CSMD1: variants seen among roughly 807,000 people sequenced by gnomAD.
CSMD1 encodes the protein CUB and Sushi multiple domains 1.
A neutral mutation model predicts 417.5 loss-of-function variants in CSMD1; 213 were observed. The observed-to-expected ratio is 0.51, with a 90% confidence interval of 0.46 to 0.57. CSMD1 has a LOEUF of 0.57. Ranked by LOEUF, CSMD1 falls within the 20% of genes least tolerant of loss-of-function variation. CSMD1 has a pLI of 0.00. For missense variants in CSMD1, 6,923 were observed against 4,529.7 expected, an observed-to-expected ratio of 1.53 and a Z score of -15.17; for synonymous variants, 2,862 against 1,736.8, an observed-to-expected ratio of 1.65 and a Z score of -16.11.
intron 3 of CSMD1, among the ~76,000 whole-genome samples, chr8:4,414,237 T>G (rs1338920766): frequency 2.0e-5 from 3 of 152,132 alleles, no homozygotes; most frequent in African/African-American, 4.8e-5. Flanking sequence ...TTGAGGGATG[T>G]GTCAGAGGGA....
intron 1 of CSMD1, among the ~76,000 whole-genome samples, chr8:4,745,623 TAGAG>T (rs1230454624): frequency 6.6e-6 from 1 of 151,968 alleles, no homozygotes; most frequent in Non-Finnish European, 1.5e-5. Context: ...AAGTAGAATG[TAGAG>T]AGAGAGTAGA....
intron 1 of CSMD1, among the ~76,000 whole-genome samples, chr8:4,868,681 A>AAC (rs1301469100): frequency 6.6e-6 from 1 of 152,104 alleles, no homozygotes; most frequent in African/African-American, 2.4e-5. Context: ...AAACACAACT[A>AAC]ACAGTATGGT....
At chr8:3,724,803 A>G (rs1802392341) in intron 6 of CSMD1, among the ~76,000 whole-genome samples, 1 of 152,258 alleles carries the variant, frequency 6.6e-6, no homozygotes, top group Non-Finnish European at 1.5e-5. Context: ...CTTTGCCATC[A>G]GCAGAAACTG....
chr8:4,103,851 G>C (rs1323882331), intron 3 of CSMD1, among the ~76,000 whole-genome samples: 2 of 152,178 alleles, frequency 1.3e-5, no homozygotes, highest in Non-Finnish European at 2.9e-5. Flanking sequence ...CTCCCTGGCA[G>C]CATTGTCTGG....
chr8:3,136,395 G>A (rs1395297702), intron 41 of CSMD1, among the ~76,000 whole-genome samples: 3 of 151,838 alleles, frequency 2.0e-5, no homozygotes, highest in African/African-American at 7.3e-5. Context: ...CTCCTGAGAA[G>A]TTGGGATCAC....
At chr8:4,103,426 TTGTC>T (rs1300732875) in intron 3 of CSMD1, among the ~76,000 whole-genome samples, 1 of 151,274 alleles carries the variant, frequency 6.6e-6, no homozygotes, top group Non-Finnish European at 1.5e-5. Context: ...CTTGGCTTTT[TTGTC>T]TGTTAAAAAA....
At chr8:3,429,511 G>C (rs1814076459) in intron 12 of CSMD1, among the ~76,000 whole-genome samples, 1 of 152,084 alleles carries the variant, frequency 6.6e-6, no homozygotes, top group South Asian at 2.1e-4. Flanking sequence ...CAGGGAAAAA[G>C]GCATGAAGAC....
chr8:4,632,737 G>A (rs1802597817), intron 2 of CSMD1, among the ~76,000 whole-genome samples: 1 of 152,176 alleles, frequency 6.6e-6, no homozygotes, highest in Non-Finnish European at 1.5e-5. Flanking sequence ...AGGAGTTCAT[G>A]CACACAAAGA....
At chr8:4,993,036 C>T (rs1326236378) in intron 1 of CSMD1, among the ~76,000 whole-genome samples, 3 of 152,350 alleles carry the variant, frequency 2.0e-5, no homozygotes, top group African/African-American at 7.2e-5. Flanking sequence ...CCCCGCTCTC[C>T]AGGCAGATCT....
At chr8:4,187,801 A>G (rs1008645997) in intron 3 of CSMD1, among the ~76,000 whole-genome samples, 1 of 151,888 alleles carries the variant, frequency 6.6e-6, no homozygotes, top group African/African-American at 2.4e-5. Context: ...AGGTATTATT[A>G]TTATTTTCCA....
At position 4,347,489 on chromosome 8, in the gene CSMD1, C is replaced by G. The variant is rs533070175; in HGVS notation, c.415+72464G>C. 2.4e-4 allele frequency among the ~76,000 whole-genome samples: 37 copies of G among 152,228 alleles called. No individual in the cohort carries two copies. The East Asian group carries it at 4.1e-3, about 17-fold the overall frequency. ...TATGAAGAAGAAGGAAATTGCAAGACTAAAGGAGACTAAATTATAATTTAC... is the reference window on the plus strand; with the variant it reads ...TATGAAGAAGAAGGAAATTGCAAGAGTAAAGGAGACTAAATTATAATTTAC... On this transcript the variant is annotated intron_variant, in intron 3 of 69. Coordinates refer to ENST00000635120, the MANE Select transcript of CSMD1 (RefSeq NM_033225.6).
chr8:4,590,130 T>C (rs1417396677), intron 2 of CSMD1, among the ~76,000 whole-genome samples: 1 of 152,220 alleles, frequency 6.6e-6, no homozygotes, highest in Non-Finnish European at 1.5e-5. Flanking sequence ...TGCAATTTTA[T>C]TTGGTAAAGC....
At chr8:4,755,284 G>C (rs1268739348) in intron 1 of CSMD1, among the ~76,000 whole-genome samples, 1 of 152,138 alleles carries the variant, frequency 6.6e-6, no homozygotes, top group African/African-American at 2.4e-5. Flanking sequence ...CTTCAACTTG[G>C]AAATATTTTC....
At chr8:3,292,269 G>C (rs527604501) in intron 25 of CSMD1, among the ~76,000 whole-genome samples, 59 of 152,264 alleles carry the variant, frequency 3.9e-4, no homozygotes, top group African/African-American at 1.3e-3. Flanking sequence ...TTTTGGAGTA[G>C]GTGTGGTGTG....
chr8:3,633,545 G>A (rs918570868), intron 7 of CSMD1, among the ~76,000 whole-genome samples: 2 of 152,132 alleles, frequency 1.3e-5, no homozygotes, highest in African/African-American at 2.4e-5. Flanking sequence ...TATTAGTGGT[G>A]CACGCACGTC....
intron 3 of CSMD1, among the ~76,000 whole-genome samples, chr8:4,074,763 T>C (rs752678546): frequency 1.5e-4 from 23 of 152,038 alleles, no homozygotes; most frequent in Admixed American, 3.9e-4. Flanking sequence ...AAAAAAAACA[T>C]TGCTTGCAAA....
intron 49 of CSMD1, among the ~76,000 whole-genome samples, chr8:3,068,720 AC>A (rs1355453060): frequency 6.6e-6 from 1 of 152,108 alleles, no homozygotes; most frequent in Non-Finnish European, 1.5e-5. Context: ...GGGAAGTGCC[AC>A]ACACTTTTAA....
At chr8:3,769,584 C>T (rs936836910) in intron 5 of CSMD1, among the ~76,000 whole-genome samples, 11 of 152,056 alleles carry the variant, frequency 7.2e-5, no homozygotes, top group South Asian at 2.1e-4. Flanking sequence ...GATATGTACA[C>T]GCAGATATAA....
chr8:4,974,051 C>T (rs1487962489), intron 1 of CSMD1, among the ~76,000 whole-genome samples: 2 of 152,152 alleles, frequency 1.3e-5, no homozygotes, highest in Admixed American at 1.3e-4. Flanking sequence ...GACAGAGTCT[C>T]ACCCTGTTGC....
Sources: allele counts gnomAD v4.1 joint callset (sites outside exome capture counted in the v4.1 genomes callset), GRCh38; gene constraint gnomAD v4.1.1; transcripts MANE v1.5; gene names NCBI Gene and HGNC (gene_info 2026-07-23, HGNC 2026-07-21).